ERG: variants seen among roughly 807,000 people sequenced by gnomAD.
ERG encodes the protein ETS transcription factor ERG.
Under a neutral mutation model 55.3 loss-of-function variants are expected in ERG, and 9 were observed. That is an observed-to-expected ratio of 0.16 (90% CI 0.10 to 0.28). The LOEUF (loss-of-function observed/expected upper bound fraction) is 0.28, where lower values mean the gene tolerates loss of function less well. Among genes scored for constraint, ERG ranks in the 10% least tolerant of loss-of-function variants. The pLI is 1.00. For missense variants in ERG, 434 were observed against 631.6 expected (o/e 0.69, Z 3.35); for synonymous variants, 223 against 237.3 (o/e 0.94, Z 0.55).
chr21:38,586,295 T>C (rs1370612387), upstream of ERG, among the ~76,000 whole-genome samples: 3 of 148,544 alleles, frequency 2.0e-5, no homozygotes, highest in East Asian at 5.9e-4. Context: ...TACTTATTTT[T>C]TTGTGGTGCG....
chr21:38,576,877 G>A (rs971750099), intron 1 of ERG, among the ~76,000 whole-genome samples: 6 of 152,080 alleles, frequency 3.9e-5, no homozygotes, highest in Admixed American at 2.0e-4. Context: ...GACCTCTCCC[G>A]TCATGGGGCC....
chr21:38,600,306 C>T (rs908950534), intron 1 of ERG, among the ~76,000 whole-genome samples: 1 of 152,216 alleles, frequency 6.6e-6, no homozygotes, highest in African/African-American at 2.4e-5. Flanking sequence ...TATTTGCCTG[C>T]AGGCCAGTAG....
intron 3 of ERG, among the ~76,000 whole-genome samples, chr21:38,419,718 T>G (rs367723382): frequency 6.6e-6 from 1 of 152,134 alleles, no homozygotes; most frequent in African/African-American, 2.4e-5. Context: ...TCTACATTTA[T>G]CCTTCAGGGA....
intron 2 of ERG, among the ~76,000 whole-genome samples, chr21:38,440,422 G>A (rs1223900097): frequency 1.3e-5 from 2 of 152,168 alleles, no homozygotes; most frequent in Admixed American, 6.5e-5. Flanking sequence ...CTGGCCCCTC[G>A]AGCTGGGCTG....
intron 1 of ERG, among the ~76,000 whole-genome samples, chr21:38,495,152 T>C (rs1312112192): frequency 6.6e-6 from 1 of 152,244 alleles, no homozygotes; most frequent in East Asian, 1.9e-4. Flanking sequence ...CCATCAAAAT[T>C]CTGTGAGGAG....
intron 2 of ERG, among the ~76,000 whole-genome samples, chr21:38,430,400 G>T (rs1555898164): frequency 6.6e-6 from 1 of 152,128 alleles, no homozygotes; most frequent in Non-Finnish European, 1.5e-5. Context: ...TGTGAAGAAA[G>T]TTTTTGGTTT....
intron 2 of ERG, among the ~76,000 whole-genome samples, chr21:38,549,330 A>G (rs777193585): frequency 2.0e-5 from 3 of 152,110 alleles, no homozygotes; most frequent in Non-Finnish European, 4.4e-5. Flanking sequence ...ACCCCAAACT[A>G]TTGCACATCC....
intron 1 of ERG, among the ~76,000 whole-genome samples, chr21:38,603,179 C>T (rs1477042990): frequency 1.3e-5 from 2 of 152,000 alleles, no homozygotes; most frequent in Admixed American, 1.3e-4. Context: ...CCTAAAGACA[C>T]CTCTGCCACA....
chr21:38,640,488 G>A (rs769616099), intron 1 of ERG, among the ~76,000 whole-genome samples: 4 of 152,136 alleles, frequency 2.6e-5, no homozygotes, highest in Non-Finnish European at 2.9e-5. Flanking sequence ...GGAGGGAGCC[G>A]GTGGGAGATG....
In ERG at chr21:38,631,518, G is replaced by C. The variant is rs1272262435; in HGVS notation, c.-150+30140C>G. 9.2e-5 allele frequency among the ~76,000 whole-genome samples: 14 copies of C among 152,256 alleles called. No homozygotes were observed. In the East Asian group the frequency reaches 2.5e-3, roughly 27 times the overall value. The stretch of plus-strand genomic sequence containing the variant: ...GCAGAGATGAAATAACTAACAGCCT[G>C]GGAAGATTTTTATAGCCTTCCCGTC... On this transcript the variant is annotated intron_variant, in intron 1 of 10. Transcript: ENST00000398910.
At chr21:38,516,309 T>C (rs1473526191) in intron 2 of ERG, among the ~76,000 whole-genome samples, 1 of 151,822 alleles carries the variant, frequency 6.6e-6, no homozygotes. Flanking sequence ...ATCAGTAGCA[T>C]TTATATACCC....
At chr21:38,583,371 G>A (rs762540914) in intron 1 of ERG, among the ~76,000 whole-genome samples, 11 of 152,164 alleles carry the variant, frequency 7.2e-5, no homozygotes, top group Admixed American at 2.0e-4. Flanking sequence ...GGGGAGCACC[G>A]CCCGAAATCC....
intron 2 of ERG, among the ~76,000 whole-genome samples, chr21:38,566,450 G>A (rs1456078869): frequency 6.6e-6 from 1 of 152,172 alleles, no homozygotes; most frequent in East Asian, 1.9e-4. Flanking sequence ...CCTTGCTGAT[G>A]TCTCTAAAAC....
chr21:38,407,792 AT>A, intron 3 of ERG, among the ~76,000 whole-genome samples: 1 of 147,492 alleles, frequency 6.8e-6, no homozygotes, highest in South Asian at 2.1e-4. Context: ...AGTTAAAAAA[AT>A]GAAACTATGC....
chr21:38,660,788 T>C (rs2060549546), intron 1 of ERG: 1 of 150,518 alleles, frequency 6.6e-6, no homozygotes, highest in South Asian at 2.1e-4. Context: ...CAGGGACGCG[T>C]GGGCGGGAAT....
chr21:38,399,762 G>A (rs1988401038), intron 6 of ERG, among the ~76,000 whole-genome samples: 1 of 152,172 alleles, frequency 6.6e-6, no homozygotes, highest in South Asian at 2.1e-4. Flanking sequence ...CCTACGCCCT[G>A]TATTGCTAGA....
At chr21:38,402,467 G>T in intron 5 of ERG, 90 bp downstream of exon 5, 1 of 893,288 alleles carries the variant, frequency 1.1e-6, no homozygotes, top group Non-Finnish European at 1.8e-6. Context: ...TGTCTTCCTG[G>T]CACGCGCTGA....
intron 2 of ERG, among the ~76,000 whole-genome samples, chr21:38,504,963 A>G (rs1194131061): frequency 1.3e-5 from 2 of 152,258 alleles, no homozygotes; most frequent in African/African-American, 4.8e-5. Context: ...AAGAAAGATC[A>G]TAAGTGGCAC....
chr21:38,611,530 G>A (rs1402206863), intron 1 of ERG, among the ~76,000 whole-genome samples: 1 of 152,106 alleles, frequency 6.6e-6, no homozygotes, highest in African/African-American at 2.4e-5. Flanking sequence ...TGTTCCATGT[G>A]TCTGGAATGT....
Sources: gnomAD v4.1 joint callset for allele counts (sites outside exome capture counted in the v4.1 genomes callset) on GRCh38, gnomAD v4.1.1 for gene constraint, MANE v1.5 for transcripts, NCBI Gene and HGNC (gene_info 2026-07-23, HGNC 2026-07-21) for gene names.